Variants in PTPRD observed in about 807,000 individuals in gnomAD.
PTPRD encodes the protein protein tyrosine phosphatase receptor type D.
Under a neutral mutation model 214.5 loss-of-function variants are expected in PTPRD, and 34 were observed. The observed-to-expected ratio is 0.16, with a 90% CI of 0.12 to 0.21. The LOEUF is 0.21. Ranked by LOEUF, PTPRD falls within the 10% of genes least tolerant of loss-of-function variation. The pLI is 1.00. For synonymous variants in PTPRD, 1,128 were observed against 845.7 expected, an observed-to-expected ratio of 1.33 and a Z score of -5.79; for missense variants, 2,545 against 2,398.7, an observed-to-expected ratio of 1.06 and a Z score of -1.27.
chr9:10,503,070 G>C (rs2044322608), intron 2 of PTPRD, among the ~76,000 whole-genome samples: 1 of 150,736 alleles, frequency 6.6e-6, no homozygotes, highest in African/African-American at 2.4e-5. Context: ...TTGAACTATG[G>C]TTACCACAAC....
At chr9:10,504,766 T>C (rs934456204) in intron 2 of PTPRD, among the ~76,000 whole-genome samples, 1 of 152,204 alleles carries the variant, frequency 6.6e-6, no homozygotes, top group Non-Finnish European at 1.5e-5. Context: ...CTAAAATCTG[T>C]GTCTTCTTAT....
At chr9:9,067,225 C>T (rs542850595) in intron 10 of PTPRD, among the ~76,000 whole-genome samples, 24 of 152,190 alleles carry the variant, frequency 1.6e-4, no homozygotes, top group Non-Finnish European at 2.1e-4. Context: ...AGTGAGACTC[C>T]GTCTCAAAAA....
At chr9:10,479,727 A>C (rs532601487) in intron 2 of PTPRD, among the ~76,000 whole-genome samples, 18 of 151,982 alleles carry the variant, frequency 1.2e-4, no homozygotes, top group Non-Finnish European at 2.2e-4. Flanking sequence ...TGGGAGGCTG[A>C]GGTAAGGTCG....
intron 9 of PTPRD, among the ~76,000 whole-genome samples, chr9:9,353,069 C>A (rs1464244946): frequency 1.3e-5 from 2 of 151,828 alleles, no homozygotes; most frequent in Non-Finnish European, 1.5e-5. Flanking sequence ...CATGTGGGAG[C>A]CCTCTGGTGG....
At chr9:10,132,082 C>T (rs866363633) in intron 3 of PTPRD, among the ~76,000 whole-genome samples, 1 of 152,018 alleles carries the variant, frequency 6.6e-6, no homozygotes, top group African/African-American at 2.4e-5. Flanking sequence ...AGGCAAAATT[C>T]ATCACTGAGA....
At chr9:8,340,100 T>C (rs1851068983) in intron 42 of PTPRD, among the ~76,000 whole-genome samples, 1 of 152,156 alleles carries the variant, frequency 6.6e-6, no homozygotes, top group South Asian at 2.1e-4. Context: ...TGCTACTCAT[T>C]TGTCTCCATG....
chr9:8,345,861 G>C (rs1431013444), intron 39 of PTPRD, among the ~76,000 whole-genome samples: 1 of 151,806 alleles, frequency 6.6e-6, no homozygotes, highest in Non-Finnish European at 1.5e-5. Context: ...CTGCCTCTCT[G>C]GATTCTTCCA....
chr9:9,998,558 TC>T (rs1392976142), intron 4 of PTPRD, among the ~76,000 whole-genome samples: 3 of 41,314 alleles, frequency 7.3e-5, no homozygotes, highest in Admixed American at 3.9e-4. Context: ...GCTCTACTAG[TC>T]AAAAAAAAAA....
In PTPRD at chr9:9,677,225, T is replaced by A. The variant is rs1427299649; in HGVS notation, c.-287+57308A>T. On this transcript the variant is annotated intron_variant, in intron 7 of 45. Coordinates refer to ENST00000381196, the MANE Select transcript of PTPRD (RefSeq NM_002839.4). ...GCCCATGCCTATGTCCTGAATGGTATTGCCTAGGTTGTCTTCCAGGGTTTT... is the reference window on the plus strand; with the variant it reads ...GCCCATGCCTATGTCCTGAATGGTAATGCCTAGGTTGTCTTCCAGGGTTTT... Among the ~76,000 whole-genome samples the A allele has an allele frequency of 2.0e-5, 3 of 152,116 alleles. No homozygotes were observed. The South Asian group carries it at 6.2e-4, about 31-fold the overall frequency.
In PTPRD at chr9:9,800,887, G is replaced by C. The variant is rs2099035280; in HGVS notation, c.-367-34036C>G. Among the ~76,000 whole-genome samples, 3 of 152,056 alleles carry C rather than the reference G, an allele frequency of 2.0e-5. No homozygotes were observed. The South Asian group carries it at 6.2e-4, about 32-fold the overall frequency. ...TCAAAATTTAATAAACATTTCTTAA[G>C]GGATATGCAACAGAAGCATTTACAT... On this transcript the variant is annotated intron_variant, in intron 5 of 45. Transcript: ENST00000381196.
chr9:8,408,649 A>G (rs562569910), intron 35 of PTPRD, among the ~76,000 whole-genome samples: 193 of 152,324 alleles, frequency 1.3e-3, no homozygotes, highest in Non-Finnish European at 2.3e-3. Context: ...TCTCCAGCCA[A>G]TCAAAAAGCC....
At chr9:10,358,370 G>A (rs1597992521) in intron 2 of PTPRD, among the ~76,000 whole-genome samples, 1 of 151,910 alleles carries the variant, frequency 6.6e-6, no homozygotes, top group Admixed American at 6.6e-5. Context: ...TAATGTGTAA[G>A]TTTTATTAAT....
At chr9:9,204,592 C>A (rs192001083) in intron 9 of PTPRD, among the ~76,000 whole-genome samples, 160 of 152,132 alleles carry the variant, frequency 1.1e-3, no homozygotes, top group African/African-American at 3.4e-3. Flanking sequence ...TTGGAAGGCT[C>A]ACAGATGAAA....
intron 3 of PTPRD, among the ~76,000 whole-genome samples, chr9:10,073,019 T>A (rs2098058928): frequency 6.6e-6 from 1 of 152,080 alleles, no homozygotes. Flanking sequence ...TATTAAGCCA[T>A]ACAAAATATC....
At chr9:8,380,391 G>A (rs541889254) in intron 37 of PTPRD, among the ~76,000 whole-genome samples, 6 of 152,208 alleles carry the variant, frequency 3.9e-5, no homozygotes. Flanking sequence ...ACTCAGAGGT[G>A]GAAAAGAAGA....
At chr9:9,266,618 A>C (rs2132473395) in intron 9 of PTPRD, among the ~76,000 whole-genome samples, 1 of 151,402 alleles carries the variant, frequency 6.6e-6, no homozygotes, top group African/African-American at 2.4e-5. Flanking sequence ...AAGTGGTATA[A>C]ATAAGTGGAA....
chr9:8,508,765 T>C (rs2097593765), intron 21 of PTPRD, among the ~76,000 whole-genome samples: 1 of 152,178 alleles, frequency 6.6e-6, no homozygotes. Context: ...TAGTTATGTC[T>C]GTGTACTATG....
chr9:10,240,376 C>G (rs191317463), intron 3 of PTPRD, among the ~76,000 whole-genome samples: 57 of 151,816 alleles, frequency 3.8e-4, no homozygotes, highest in Admixed American at 2.8e-3. Flanking sequence ...GGGAACTTCC[C>G]TTTTTCACTC....
At chr9:9,854,099 CCTAT>C (rs1376020828) in intron 5 of PTPRD, among the ~76,000 whole-genome samples, 1 of 152,146 alleles carries the variant, frequency 6.6e-6, no homozygotes, top group Non-Finnish European at 1.5e-5. Context: ...ACTTACTCCT[CCTAT>C]CTAATTGTAG....
Sources: allele counts gnomAD v4.1 joint callset (sites outside exome capture counted in the v4.1 genomes callset), GRCh38; gene constraint gnomAD v4.1.1; transcripts MANE v1.5; gene names NCBI Gene and HGNC (gene_info 2026-07-23, HGNC 2026-07-21).